IFT74: variants seen among roughly 807,000 people sequenced by gnomAD.
The protein encoded by IFT74 is intraflagellar transport 74, also known as intraflagellar transport protein 74 homolog.
Under a neutral mutation model 96.7 loss-of-function variants are expected in IFT74, and 92 were observed. That is an observed-to-expected ratio of 0.95 (90% CI 0.80 to 1.13). The LOEUF is 1.13. Ranked by LOEUF, IFT74 falls within the 50% of genes most tolerant of loss-of-function variation. IFT74 has a pLI of 0.00. For synonymous variants in IFT74, 223 were observed against 213.2 expected (o/e 1.05, Z -0.40); for missense variants, 811 against 698.2 (o/e 1.16, Z -1.82).
Position 27,062,792 on chromosome 9 carries a change from C to G in IFT74, c.*56C>G. Reference sequence around the variant, plus strand: ...TATCCTCTTGCTGCTAAACTTGGTACAAGTTGACTACCAAAAAAAAAAAAA... The same window carrying G: ...TATCCTCTTGCTGCTAAACTTGGTAGAAGTTGACTACCAAAAAAAAAAAAA... On this transcript the variant is annotated 3_prime_UTR_variant, in exon 20 of 20. Coordinates refer to ENST00000380062, the MANE Select transcript of IFT74 (RefSeq NM_025103.4). 1 of 833,330 alleles carries G rather than the reference C, an allele frequency of 1.2e-6. No individual in the cohort carries two copies. 51.6% of individuals were successfully genotyped at this position (833,330 alleles called of 1,614,324 possible).
chr9:26,999,019 C>A (rs542698462), intron 8 of IFT74, among the ~76,000 whole-genome samples: 13 of 152,220 alleles, frequency 8.5e-5, no homozygotes, highest in South Asian at 2.1e-4. Flanking sequence ...ATCAATCAGT[C>A]TGAATAAACT....
intron 2 of IFT74, among the ~76,000 whole-genome samples, chr9:26,972,438 G>A (rs925483548): frequency 1.1e-4 from 16 of 152,120 alleles, no homozygotes; most frequent in African/African-American, 2.9e-4. Flanking sequence ...ACGGGCTGCC[G>A]GTTGCCTCCA....
intron 8 of IFT74, among the ~76,000 whole-genome samples, chr9:27,001,547 CCT>C (rs1345672430): frequency 6.6e-6 from 1 of 152,006 alleles, no homozygotes; most frequent in African/African-American, 2.4e-5. Flanking sequence ...TTTGCATTTC[CCT>C]GAGTGATTAC....
intron 1 of IFT74, among the ~76,000 whole-genome samples, chr9:26,957,594 G>T (rs1054737477): frequency 6.6e-5 from 10 of 152,156 alleles, no homozygotes; most frequent in Non-Finnish European, 1.2e-4. Flanking sequence ...ACTCAAAATT[G>T]GTGCCCAGTT....
At chr9:27,032,028 T>C (rs1467808908) in intron 13 of IFT74, among the ~76,000 whole-genome samples, 1 of 152,124 alleles carries the variant, frequency 6.6e-6, no homozygotes, top group African/African-American at 2.4e-5. Flanking sequence ...TCTTTACTAG[T>C]GTATTCCCTT....
intron 4 of IFT74, among the ~76,000 whole-genome samples, chr9:26,983,553 A>G (rs1563949798): frequency 6.6e-6 from 1 of 152,122 alleles, no homozygotes; most frequent in African/African-American, 2.4e-5. Flanking sequence ...ACGAGGTGCT[A>G]ATCACTGACC....
At chr9:27,015,412 C>T (rs779510770) in intron 10 of IFT74, among the ~76,000 whole-genome samples, 6 of 151,896 alleles carry the variant, frequency 4.0e-5, no homozygotes, top group Non-Finnish European at 2.9e-5. Flanking sequence ...CTGAGATGGG[C>T]GGATCACGAG....
At chr9:27,040,544 C>CAAAAAAAAAAAA (rs751893169) in intron 13 of IFT74, among the ~76,000 whole-genome samples, 10 of 62,092 alleles carry the variant, frequency 1.6e-4, no homozygotes, top group African/African-American at 5.6e-4. Flanking sequence ...GACACTGTCT[C>CAAAAAAAAAAAA]AAAAAAAAAA....
chr9:27,041,729 T>G (rs1819488531), intron 13 of IFT74, among the ~76,000 whole-genome samples: 1 of 152,190 alleles, frequency 6.6e-6, no homozygotes, highest in Non-Finnish European at 1.5e-5. Context: ...AAAACCATTA[T>G]GTTTTACCCT....
chr9:27,046,568 G>A (rs1348975938), intron 14 of IFT74, among the ~76,000 whole-genome samples: 1 of 152,090 alleles, frequency 6.6e-6, no homozygotes, highest in African/African-American at 2.4e-5. Context: ...AATTCATTTA[G>A]TTGAAATGAA....
rs1443234170 is a variant in IFT74 at position 27,005,352 on chromosome 9, T to TCCCCC, written c.588-3664_588-3660dup. ...ATTTGATTGGCTAGATGAAACCATTTCCCCCCCCGCCCCCCGCAAAACAAT... is the reference window on the plus strand; with the variant it reads ...ATTTGATTGGCTAGATGAAACCATTTCCCCCCCCCCCCCGCCCCCCGCAAAACAAT... On this transcript the variant is annotated intron_variant, in intron 8 of 19. Coordinates refer to ENST00000380062, the MANE Select transcript of IFT74 (RefSeq NM_025103.4). 7.8e-3 allele frequency among the ~76,000 whole-genome samples: 148 copies of TCCCCC among 18,898 alleles called. 7 individuals carry two copies. In the East Asian group the frequency reaches 0.1, roughly 13 times the overall value. 12.4% of individuals were successfully genotyped at this position (18,898 alleles called of 152,430 possible).
At chr9:26,970,035 T>C (rs1034735273) in intron 2 of IFT74, among the ~76,000 whole-genome samples, 10 of 152,126 alleles carry the variant, frequency 6.6e-5, no homozygotes, top group African/African-American at 2.4e-4. Context: ...TTGTTGTTTT[T>C]TTTAATTTCC....
intron 12 of IFT74, among the ~76,000 whole-genome samples, chr9:27,022,215 CT>C (rs1283845864): frequency 3.3e-5 from 5 of 152,120 alleles, no homozygotes; most frequent in Admixed American, 2.0e-4. Flanking sequence ...CAATACAATA[CT>C]GTTTTGGTGA....
chr9:27,047,481 G>T, intron 15 of IFT74, 110 bp downstream of exon 15: 5 of 578,270 alleles, frequency 8.6e-6, no homozygotes, highest in Non-Finnish European at 1.2e-5. Context: ...TCATTTAACT[G>T]CTTCCTTTCA....
intron 8 of IFT74, chr9:26,994,938 G>A (rs1587309685): frequency 2.0e-5 from 3 of 152,218 alleles, no homozygotes; most frequent in African/African-American, 7.2e-5. Flanking sequence ...GACTTATTAG[G>A]GATTATGCCT....
At chr9:27,030,080 T>C (rs1830053192) in intron 13 of IFT74, among the ~76,000 whole-genome samples, 2 of 152,118 alleles carry the variant, frequency 1.3e-5, no homozygotes, top group Admixed American at 1.3e-4. Flanking sequence ...TGAGCATCAG[T>C]TTCCTAACAA....
At chr9:27,037,063 A>G (rs922624101) in intron 13 of IFT74, among the ~76,000 whole-genome samples, 1 of 152,124 alleles carries the variant, frequency 6.6e-6, no homozygotes, top group Non-Finnish European at 1.5e-5. Context: ...ACTAAAAAAT[A>G]CAAAAACTTA....
chr9:26,983,928 C>T (rs929861177), intron 4 of IFT74: 20 of 187,942 alleles, frequency 1.1e-4, no homozygotes, highest in Non-Finnish European at 1.8e-4. Context: ...GGACTACAGG[C>T]GTGTGCCACC....
chr9:26,972,853 A>G (rs943463363), intron 2 of IFT74, among the ~76,000 whole-genome samples: 1 of 152,150 alleles, frequency 6.6e-6, no homozygotes, highest in Non-Finnish European at 1.5e-5. Context: ...TGAGACCCAT[A>G]ACCCCTCAAA....
Sources: gnomAD v4.1 joint callset for allele counts (sites outside exome capture counted in the v4.1 genomes callset) on GRCh38, gnomAD v4.1.1 for gene constraint, MANE v1.5 for transcripts, NCBI Gene and HGNC (gene_info 2026-07-23, HGNC 2026-07-21) for gene names.